Variants in SLC9C1 observed in about 807,000 individuals in gnomAD.
The protein encoded by SLC9C1 is solute carrier family 9 member C1, also known as sodium/hydrogen exchanger 10.
In SLC9C1, 97 loss-of-function variants were observed where a neutral mutation model predicts 140.9. The ratio of observed to expected loss-of-function variants is 0.69; its 90% CI spans 0.58 to 0.82. SLC9C1 has a LOEUF of 0.82. Ranked by LOEUF, SLC9C1 falls within the 40% of genes least tolerant of loss-of-function variation. The pLI is 0.00. For synonymous variants in SLC9C1, 440 were observed against 442.6 expected (o/e 0.99, Z 0.07); for missense variants, 1,340 against 1,389.3 (o/e 0.96, Z 0.56).
intron 23 of SLC9C1, among the ~76,000 whole-genome samples, chr3:112,174,422 G>A (rs1380229302): frequency 1.3e-5 from 2 of 152,166 alleles, no homozygotes; most frequent in East Asian, 3.8e-4. Context: ...GTAAGCTTGG[G>A]TGTAGCCCTC....
chr3:112,172,307 T>C (rs1224039235), intron 23 of SLC9C1, among the ~76,000 whole-genome samples: 1 of 152,098 alleles, frequency 6.6e-6, no homozygotes, highest in Non-Finnish European at 1.5e-5. Flanking sequence ...TAACTTTATC[T>C]CTTTTATACT....
chr3:112,146,134 T>C (rs1370194241), intron 28 of SLC9C1, among the ~76,000 whole-genome samples: 1 of 152,166 alleles, frequency 6.6e-6, no homozygotes, highest in Non-Finnish European at 1.5e-5. Flanking sequence ...TCTCCAAGGA[T>C]CTTTTGTATT....
At chr3:112,160,676 A>G (rs1420239510) in intron 26 of SLC9C1, among the ~76,000 whole-genome samples, 2 of 151,040 alleles carry the variant, frequency 1.3e-5, no homozygotes, top group African/African-American at 2.4e-5. Context: ...TCATTGTTGG[A>G]CATTTGGGTT....
At chr3:112,250,359 G>A (rs1192182019) in intron 10 of SLC9C1, among the ~76,000 whole-genome samples, 1 of 150,692 alleles carries the variant, frequency 6.6e-6, no homozygotes, top group African/African-American at 2.4e-5. Context: ...TGTGAATAGT[G>A]CCACAATAAA....
intron 20 of SLC9C1, among the ~76,000 whole-genome samples, chr3:112,194,135 A>G (rs1381327576): frequency 6.6e-6 from 1 of 152,120 alleles, no homozygotes; most frequent in Non-Finnish European, 1.5e-5. Context: ...CCTAATCTGG[A>G]GTAATGCAGC....
intron 28 of SLC9C1, among the ~76,000 whole-genome samples, chr3:112,143,394 T>C (rs573965392): frequency 6.6e-6 from 1 of 152,274 alleles, no homozygotes; most frequent in African/African-American, 2.4e-5. Context: ...TGCAGCTTCA[T>C]CATATCTGTT....
intron 23 of SLC9C1, among the ~76,000 whole-genome samples, chr3:112,174,752 G>C (rs2077305659): frequency 6.6e-6 from 1 of 152,178 alleles, no homozygotes; most frequent in African/African-American, 2.4e-5. Context: ...TGCAACTGTA[G>C]TAGCAGAGGG....
At chr3:112,161,255 G>A (rs2107886487) in intron 26 of SLC9C1, among the ~76,000 whole-genome samples, 1 of 152,264 alleles carries the variant, frequency 6.6e-6, no homozygotes, top group Non-Finnish European at 1.5e-5. Flanking sequence ...CTTTTGCTGT[G>A]CGGAAGCTCT....
At chr3:112,221,917 A>G (rs2078551442) in intron 13 of SLC9C1, among the ~76,000 whole-genome samples, 1 of 152,130 alleles carries the variant, frequency 6.6e-6, no homozygotes, top group South Asian at 2.1e-4. Flanking sequence ...CCTTAACTGA[A>G]ATATATTATG....
chr3:112,202,533 TC>T, intron 17 of SLC9C1, 134 bp from the exon 18 acceptor site: 2 of 826,814 alleles, frequency 2.4e-6, no homozygotes, highest in Non-Finnish European at 3.6e-6. Flanking sequence ...CTGTCAAGGT[TC>T]TTTGTTATTT....
chr3:112,151,827 G>A (rs781410178), intron 28 of SLC9C1, 30 bp downstream of exon 28: 8 of 1,573,142 alleles, frequency 5.1e-6, no homozygotes, highest in Non-Finnish European at 7.0e-6. Flanking sequence ...ATGTGCTCCT[G>A]ATCCTGTTGA....
Position 112,141,157 on chromosome 3 carries a change from T to A in SLC9C1, c.*115A>T, listed in dbSNP as rs2074608795. ...TCTTTTCTGCTTAGCACCAAGATCA[T>A]CCACACAGGATCCAACCTGAAGTTA... On this transcript the variant is annotated 3_prime_UTR_variant, in exon 29 of 29. Transcript: ENST00000305815. 9.0e-7 allele frequency: 1 copy of A among 1,116,610 alleles called. No individual in the cohort carries two copies. Among genetic ancestry groups the A allele is most frequent in the Non-Finnish European group, 1.2e-6 (1 of 828,744 alleles). 69.2% of individuals were successfully genotyped at this position (1,116,610 alleles called of 1,614,324 possible). A position where few individuals can be genotyped will look rare whatever the true frequency, so the allele number is the denominator to read the frequency against.
chr3:112,240,996 G>A (rs1048857403), intron 11 of SLC9C1, among the ~76,000 whole-genome samples: 14 of 152,074 alleles, frequency 9.2e-5, no homozygotes, highest in Admixed American at 7.9e-4. Flanking sequence ...GGGGGGATGG[G>A]GGCAGGTGGG....
At chr3:112,259,044 A>G (rs947933738) in intron 10 of SLC9C1, among the ~76,000 whole-genome samples, 1 of 152,178 alleles carries the variant, frequency 6.6e-6, no homozygotes, top group Non-Finnish European at 1.5e-5. Flanking sequence ...CTCCCCTAAC[A>G]TTGGGAATTA....
rs1162743969 is a variant in SLC9C1, at chr3:112,270,068, A to G, written c.623T>C (p.Ile208Thr). 2.6e-6 allele frequency: 4 copies of G among 1,561,586 alleles called. No individual in the cohort carries two copies. Among genetic ancestry groups the G allele is most frequent in the African/African-American group, 1.4e-5 (1 of 72,272 alleles). ...AATATATGAACAAATTCCACCCACG[A>G]TCTCTTCAGCTACAAGAAAGGGGCG... Reference protein sequence around the residue: ...SKRNHTLAEEIVGGICSYIIA... With the variant: ...SKRNHTLAEETVGGICSYIIA... Residue 208 changes from isoleucine (I) to threonine (T), a missense_variant, in exon 7 of 29, where the codon ATC becomes ACC. Physicochemically the swap from Ile to Thr is moderately conservative, Grantham distance 89 (BLOSUM62 -1). Coordinates refer to ENST00000305815, the MANE Select transcript of SLC9C1 (RefSeq NM_183061.3).
Position 112,186,196 on chromosome 3 carries a change from T to A in SLC9C1, c.2524-3938A>T, listed in dbSNP as rs2077536486. ...CCTTTTTGTGGACTTTTAGTTCTCT[T>A]AATTTTTTAATGAAGAAAAATTCTT... On this transcript the variant is annotated intron_variant, in intron 20 of 28. Transcript: ENST00000305815. Among the ~76,000 whole-genome samples, 4 of 152,022 alleles carry A rather than the reference T, an allele frequency of 2.6e-5. No homozygotes were observed. In the South Asian group the frequency reaches 8.3e-4, roughly 31 times the overall value.
chr3:112,149,792 G>T (rs2074906145), intron 28 of SLC9C1, among the ~76,000 whole-genome samples: 1 of 152,048 alleles, frequency 6.6e-6, no homozygotes, highest in South Asian at 2.1e-4. Context: ...CCTGGGTGGG[G>T]AGCAGAGGGA....
Position 112,240,064 on chromosome 3 carries a change from T to G in SLC9C1, c.1280-58A>C, listed in dbSNP as rs1428027487. 2.7e-6 allele frequency: 4 copies of G among 1,468,454 alleles called. No individual in the cohort carries two copies. The East Asian group carries it at 9.4e-5, about 34-fold the overall frequency. The allele number at this position is 1,468,454 out of a possible 1,614,324, so 91.0% of individuals were successfully genotyped here. On this transcript the variant is annotated intron_variant, in intron 11 of 28. Coordinates refer to ENST00000305815, the MANE Select transcript of SLC9C1 (RefSeq NM_183061.3). The stretch of plus-strand genomic sequence containing the variant: ...GAAACACCACAATTTTGATATGGGT[T>G]AGAAAGCTTACTTTTGTTTTTAACT...
chr3:112,140,965 A>G lies in SLC9C1; in HGVS notation c.*307T>C, dbSNP rs890034328. 25 of 273,170 alleles carry G rather than the reference A, an allele frequency of 9.2e-5. No individual in the cohort carries two copies. The East Asian group carries it at 1.3e-3, about 14-fold the overall frequency. 16.9% of individuals were successfully genotyped at this position (273,170 alleles called of 1,614,324 possible). Reference sequence around the variant, plus strand: ...CCAAACCATTATTGCTGTAAGAGCAATATGCAAAATATCTAGATGGCTATA... The same window carrying G: ...CCAAACCATTATTGCTGTAAGAGCAGTATGCAAAATATCTAGATGGCTATA... On this transcript the variant is annotated 3_prime_UTR_variant, in exon 29 of 29. Transcript: ENST00000305815.
Sources: allele counts gnomAD v4.1 joint callset (sites outside exome capture counted in the v4.1 genomes callset), GRCh38; gene constraint gnomAD v4.1.1; transcripts MANE v1.5; gene names NCBI Gene and HGNC (gene_info 2026-07-23, HGNC 2026-07-21).